The following BBS2 variants were observed in gnomAD, a reference collection of about 807,000 sequenced individuals.
The protein encoded by BBS2 is BBSome complex member BBS2.
In BBS2, 62 loss-of-function variants were observed where a neutral mutation model predicts 83.0. That is an observed-to-expected ratio of 0.75 (90% CI 0.61 to 0.92). The LOEUF (loss-of-function observed/expected upper bound fraction) is 0.92, where lower values mean the gene tolerates loss of function less well. BBS2 is among the 40% of genes least tolerant of loss of function. The pLI, the probability that BBS2 is intolerant of heterozygous loss-of-function variation, is 0.00. For missense variants in BBS2, 784 were observed against 901.0 expected, an observed-to-expected ratio of 0.87 and a Z score of 1.66; for synonymous variants, 303 against 326.1, an observed-to-expected ratio of 0.93 and a Z score of 0.76.
At position 56,476,221 on chromosome 16, in the gene BBS2, C is replaced by G. The variant is rs767780310; in HGVS notation, c.*1-5526G>C. The G allele has an allele frequency of 6.2e-6, 10 of 1,601,920 alleles. No homozygotes were observed. The East Asian group carries it at 2.0e-4, about 32-fold the overall frequency. The stretch of plus-strand genomic sequence containing the variant: ...TTATGAATGACAGCACTGGGCAAAG[C>G]TGAACAAAAATGTGACCCTTCGTAA... On this transcript the variant is annotated intron_variant, in intron 17 of 17. Coordinates refer to the BBS2 transcript ENST00000682047.
At chr16:56,470,742 G>A (rs1274032543) in intron 17 of BBS2, 1 of 1,613,352 alleles carries the variant, frequency 6.2e-7, no homozygotes, top group Non-Finnish European at 8.5e-7. Context: ...ACAGCCAACA[G>A]AGCAATGAGC....
At chr16:56,497,194 T>C in intron 14 of BBS2, 115 bp from the exon 15 acceptor site, 1 of 776,156 alleles carries the variant, frequency 1.3e-6, no homozygotes, top group South Asian at 1.4e-5. Context: ...CCTGTTCGCT[T>C]ATACCAATTA....
intron 15 of BBS2, among the ~76,000 whole-genome samples, chr16:56,488,145 CCACAACAATCAA>C (rs1963838066): frequency 6.6e-6 from 1 of 152,148 alleles, no homozygotes; most frequent in Admixed American, 6.5e-5. Context: ...TGCTCCCACA[CCACAACAATCAA>C]CACAGAAGAC....
chr16:56,501,757 A>G, intron 9 of BBS2: 2 of 502,172 alleles, frequency 4.0e-6, no homozygotes, highest in Non-Finnish European at 7.1e-6. Context: ...TTTTTGAAGT[A>G]TTGTTCTTTT....
intron 1 of BBS2, chr16:56,519,427 G>C: frequency 3.5e-6 from 1 of 285,000 alleles, no homozygotes; most frequent in Non-Finnish European, 6.6e-6. Flanking sequence ...CTTGAATCTG[G>C]GGTCGGTTAT....
chr16:56,514,787 T>A lies in BBS2; in HGVS notation c.118-107A>T. 3.7e-6 allele frequency: 3 copies of A among 800,858 alleles called. No homozygotes were observed. The South Asian group carries it at 5.0e-5, about 13-fold the overall frequency. The allele number at this position is 800,858 out of a possible 1,614,324, so 49.6% of individuals were successfully genotyped here. On this transcript the variant is annotated intron_variant, in intron 1 of 16. Transcript: ENST00000245157. ...TTAACACATCCACATTAACAAGAGG[T>A]CACTTTAATCTCCTATGAAACTTAA...
chr16:56,511,477 A>G (rs1419900700), intron 2 of BBS2, among the ~76,000 whole-genome samples, 193 bp from the exon 3 acceptor site: 3 of 152,180 alleles, frequency 2.0e-5, no homozygotes, highest in Admixed American at 1.3e-4. Context: ...AAGTCCTTCA[A>G]TACTTTCTAT....
At chr16:56,511,808 C>A (rs575888310) in intron 2 of BBS2, among the ~76,000 whole-genome samples, 1 of 152,224 alleles carries the variant, frequency 6.6e-6, no homozygotes, top group Non-Finnish European at 1.5e-5. Context: ...TTGAAATAGG[C>A]AAAGGGCAGA....
Position 56,519,914 on chromosome 16 carries a change from G to A in BBS2, c.-52C>T. On this transcript the variant is annotated 5_prime_UTR_variant, in exon 1 of 17. Coordinates refer to ENST00000245157, the MANE Select transcript of BBS2 (RefSeq NM_031885.5). ...CTGGAAGCTGGAGACAAGCGCAGCGGAGCTGGCCTCACGCGCCCGGGCAAG... is the reference window on the plus strand; with the variant it reads ...CTGGAAGCTGGAGACAAGCGCAGCGAAGCTGGCCTCACGCGCCCGGGCAAG... The A allele has an allele frequency of 6.6e-7, 1 of 1,509,532 alleles. No individual in the cohort carries two copies. Among genetic ancestry groups the A allele is most frequent in the East Asian group, 2.3e-5 (1 of 44,134 alleles). The allele number at this position is 1,509,532 out of a possible 1,614,324, so 93.5% of individuals were successfully genotyped here.
rs568999596 is a variant in BBS2, at chr16:56,505,791, C to T, written c.804+159G>A. On this transcript the variant is annotated intron_variant, in intron 7 of 16. Coordinates refer to ENST00000245157, the MANE Select transcript of BBS2 (RefSeq NM_031885.5). ...ACTGTGCAGCTCTTGACAATGATAG[C>T]AGGAAGAATGTGTCAAGATTATTAA... 5.9e-5 allele frequency among the ~76,000 whole-genome samples: 9 copies of T among 152,266 alleles called. 1 individual carries two copies. In the South Asian group the frequency reaches 1.5e-3, roughly 25 times the overall value.
chr16:56,494,652 C>A (rs1964061516), intron 15 of BBS2, among the ~76,000 whole-genome samples: 1 of 152,084 alleles, frequency 6.6e-6, no homozygotes, highest in African/African-American at 2.4e-5. Context: ...ACTTCCATTG[C>A]CCACAGACTG....
intron 5 of BBS2, among the ~76,000 whole-genome samples, chr16:56,507,107 G>A (rs191505428): frequency 3.9e-5 from 6 of 152,252 alleles, no homozygotes; most frequent in Admixed American, 3.3e-4. Context: ...TTTAGCTCAA[G>A]GCATTCTTCT....
intron 14 of BBS2, 113 bp from the exon 15 acceptor site, chr16:56,497,192 C>T: frequency 1.3e-6 from 1 of 784,598 alleles, no homozygotes. Flanking sequence ...CCCCTGTTCG[C>T]TTATACCAAT....
chr16:56,499,032 C>A (rs141455737), intron 12 of BBS2: 4 of 250,580 alleles, frequency 1.6e-5, no homozygotes, highest in Non-Finnish European at 3.1e-5. Flanking sequence ...GATATATCCA[C>A]ACAATAAGGA....
intron 15 of BBS2, among the ~76,000 whole-genome samples, chr16:56,488,160 C>T (rs763636246): frequency 6.6e-6 from 1 of 152,180 alleles, no homozygotes; most frequent in Non-Finnish European, 1.5e-5. Flanking sequence ...ACAATCAACA[C>T]AGAAGACTTC....
At chr16:56,485,518 C>T in intron 16 of BBS2, 72 bp downstream of exon 16, 1 of 1,575,110 alleles carries the variant, frequency 6.3e-7, no homozygotes, top group Non-Finnish European at 8.7e-7. Flanking sequence ...TTATTGGATG[C>T]TACCACCATC....
chr16:56,519,795 C>T lies in BBS2; in HGVS notation c.68G>A (p.Arg23His). 1 of 1,613,764 alleles carries T rather than the reference C, an allele frequency of 6.2e-7. No homozygotes were observed. ...KISPRMVAIG[R>H]YDGTHPCLAA... Reference sequence around the variant, plus strand: ...CAGGCACGGGTGAGTCCCGTCGTAGCGCCCTATGGCCACCATTCGGGGGCT... The same window carrying T: ...CAGGCACGGGTGAGTCCCGTCGTAGTGCCCTATGGCCACCATTCGGGGGCT... Residue 23 changes from arginine to histidine, a missense_variant, in exon 1 of 17, where the codon CGC becomes CAC. Physicochemically the swap from Arg to His is conservative, Grantham distance 29. Transcript: ENST00000245157.
intron 15 of BBS2, among the ~76,000 whole-genome samples, chr16:56,492,077 AT>A (rs1163374103): frequency 1.3e-5 from 2 of 151,672 alleles, no homozygotes; most frequent in Admixed American, 6.6e-5. Context: ...TAAATTTTTA[AT>A]TTTTAATGAT....
chr16:56,475,747 A>T (rs922575205), intron 17 of BBS2, among the ~76,000 whole-genome samples: 4 of 152,238 alleles, frequency 2.6e-5, no homozygotes, highest in Non-Finnish European at 5.9e-5. Flanking sequence ...GATACTCAGT[A>T]AGCATTTATT....
Sources: gnomAD v4.1 joint callset for allele counts (sites outside exome capture counted in the v4.1 genomes callset) on GRCh38, gnomAD v4.1.1 for gene constraint, MANE v1.5 for transcripts, NCBI Gene and HGNC (gene_info 2026-07-23, HGNC 2026-07-21) for gene names.